VPS41: variants seen among roughly 807,000 people sequenced by gnomAD.
VPS41 encodes vacuolar protein sorting-associated protein 41 homolog.
VPS41 carries 85 observed loss-of-function variants against 130.9 expected under a neutral mutation model. The observed-to-expected ratio is 0.65, with a 90% CI of 0.55 to 0.78. The LOEUF is 0.78. Ranked by LOEUF, VPS41 falls within the 30% of genes least tolerant of loss-of-function variation. The pLI is 0.00. For missense variants in VPS41, 874 were observed against 1,018.7 expected, an observed-to-expected ratio of 0.86 and a Z score of 1.93; for synonymous variants, 335 against 332.9, an observed-to-expected ratio of 1.01 and a Z score of -0.07.
chr7:38,754,681 G>A (rs922536320), intron 21 of VPS41, 21 bp downstream of exon 21: 13 of 1,609,930 alleles, frequency 8.1e-6, no homozygotes, highest in Non-Finnish European at 1.1e-5. Flanking sequence ...AAGGGCAAAA[G>A]GAGGAGACTG....
At chr7:38,802,484 C>T (rs1784749253) in intron 7 of VPS41, among the ~76,000 whole-genome samples, 3 of 152,072 alleles carry the variant, frequency 2.0e-5, no homozygotes, top group African/African-American at 7.2e-5. Flanking sequence ...AACTCTCATG[C>T]AGGATTTGCT....
intron 2 of VPS41, among the ~76,000 whole-genome samples, chr7:38,896,499 A>G (rs570038125): frequency 6.6e-6 from 1 of 152,378 alleles, no homozygotes; most frequent in South Asian, 2.1e-4. Flanking sequence ...CTTTGAATGC[A>G]GCTCAACACA....
chr7:38,863,149 A>G (rs1443546918), intron 3 of VPS41, among the ~76,000 whole-genome samples: 5 of 152,262 alleles, frequency 3.3e-5, no homozygotes, highest in African/African-American at 1.2e-4. Flanking sequence ...GGATGCTTCT[A>G]TAAAAGTTAA....
chr7:38,872,635 C>G (rs1338709244), intron 2 of VPS41, among the ~76,000 whole-genome samples: 2 of 152,100 alleles, frequency 1.3e-5, no homozygotes, highest in Admixed American at 6.5e-5. Context: ...GCACAGTTAT[C>G]CATAGGGCCT....
intron 22 of VPS41, among the ~76,000 whole-genome samples, chr7:38,751,506 C>T (rs904797480): frequency 6.6e-6 from 1 of 152,194 alleles, no homozygotes; most frequent in Non-Finnish European, 1.5e-5. Context: ...TTAGCCCGAA[C>T]TAGGATCTTG....
intron 17 of VPS41, 75 bp from the exon 18 acceptor site, chr7:38,758,556 T>C: frequency 7.0e-7 from 1 of 1,419,762 alleles, no homozygotes; most frequent in South Asian, 1.3e-5. Context: ...AAATATACAT[T>C]TGGTCCTCCT....
chr7:38,809,670 T>C (rs999748481), intron 7 of VPS41, among the ~76,000 whole-genome samples: 1 of 152,124 alleles, frequency 6.6e-6, no homozygotes, highest in Admixed American at 6.6e-5. Context: ...CCTTTCCTTG[T>C]TTGCTGACTG....
intron 2 of VPS41, among the ~76,000 whole-genome samples, chr7:38,882,123 C>T (rs1786621962): frequency 6.6e-6 from 1 of 152,114 alleles, no homozygotes; most frequent in African/African-American, 2.4e-5. Flanking sequence ...AGTCAAGCCC[C>T]ACCACCACAA....
intron 4 of VPS41, chr7:38,831,392 T>C (rs1328057017): frequency 8.0e-6 from 3 of 372,854 alleles, no homozygotes; most frequent in African/African-American, 4.3e-5. Flanking sequence ...ACATGCCAAG[T>C]GTTCAACGAC....
chr7:38,761,426 C>G (rs150507488), intron 17 of VPS41, among the ~76,000 whole-genome samples: 1,850 of 151,218 alleles, frequency 0.012, 57 homozygotes, highest in African/African-American at 0.042. Flanking sequence ...CAGGTGCATG[C>G]CACCATGCCT....
chr7:38,727,670 C>T (rs1258291950), intron 27 of VPS41, among the ~76,000 whole-genome samples: 1 of 152,170 alleles, frequency 6.6e-6, no homozygotes, highest in Non-Finnish European at 1.5e-5. Flanking sequence ...AAATCTAATT[C>T]CTCTAGAAAA....
chr7:38,786,452 A>AAGG (rs1784440837), intron 10 of VPS41, among the ~76,000 whole-genome samples: 1 of 152,098 alleles, frequency 6.6e-6, no homozygotes, highest in Non-Finnish European at 1.5e-5. Context: ...AACTTCATTA[A>AAGG]TTCCACTCCT....
chr7:38,853,158 G>A (rs1009829755), intron 4 of VPS41, among the ~76,000 whole-genome samples: 3 of 152,124 alleles, frequency 2.0e-5, no homozygotes, highest in East Asian at 1.9e-4. Context: ...GGTGGCTCAC[G>A]CCTGTAATCC....
At chr7:38,903,537 G>C (rs549476483) in intron 1 of VPS41, among the ~76,000 whole-genome samples, 6 of 152,268 alleles carry the variant, frequency 3.9e-5, no homozygotes, top group Admixed American at 3.9e-4. Flanking sequence ...GCAGAGACCA[G>C]GCTCCAAGAA....
At chr7:38,749,427 T>C (rs1024713617) in intron 22 of VPS41, among the ~76,000 whole-genome samples, 1 of 152,172 alleles carries the variant, frequency 6.6e-6, no homozygotes, top group Non-Finnish European at 1.5e-5. Flanking sequence ...TAGAAAGATA[T>C]AGTGTTCTGC....
intron 1 of VPS41, 71 bp from the exon 2 acceptor site, chr7:38,898,200 T>G: frequency 5.4e-6 from 7 of 1,298,774 alleles, no homozygotes; most frequent in Non-Finnish European, 7.8e-6. Flanking sequence ...GGGGAAAGAG[T>G]CCTCATGTTC....
intron 1 of VPS41, among the ~76,000 whole-genome samples, chr7:38,898,453 C>CG (rs1787063013): frequency 6.6e-6 from 1 of 152,162 alleles, no homozygotes; most frequent in Non-Finnish European, 1.5e-5. Context: ...TCACTAATCT[C>CG]AGAAGGGAAG....
chr7:38,902,455 T>C (rs1025227572), intron 1 of VPS41, among the ~76,000 whole-genome samples: 3 of 152,188 alleles, frequency 2.0e-5, no homozygotes, highest in South Asian at 2.1e-4. Context: ...GGTGTTTTGT[T>C]TGGCCTAGGT....
chr7:38,780,890 C>T (rs1220292467), intron 10 of VPS41, among the ~76,000 whole-genome samples: 1 of 152,046 alleles, frequency 6.6e-6, no homozygotes, highest in African/African-American at 2.4e-5. Context: ...TGAGTTCTCA[C>T]AAGATCTGGT....
Sources: gnomAD v4.1 joint callset for allele counts (sites outside exome capture counted in the v4.1 genomes callset) on GRCh38, gnomAD v4.1.1 for gene constraint, MANE v1.5 for transcripts, NCBI Gene and HGNC (gene_info 2026-07-23, HGNC 2026-07-21) for gene names.